PRKCH: variants seen among roughly 807,000 people sequenced by gnomAD.
The protein encoded by PRKCH is protein kinase C eta type.
PRKCH carries 28 observed loss-of-function variants against 82.5 expected under a neutral mutation model. The observed-to-expected ratio is 0.34, with a 90% confidence interval of 0.25 to 0.47. PRKCH has a LOEUF of 0.47. PRKCH is among the 20% of genes least tolerant of loss of function. The pLI is 1.00. For synonymous variants in PRKCH, 322 were observed against 327.4 expected (o/e 0.98, Z 0.18); for missense variants, 705 against 881.8 (o/e 0.80, Z 2.54).
rs1430622273 is a variant in PRKCH, at chr14:61,549,770, C to T, written c.1991C>T (p.Pro664Leu). ...ACTCCAATTGATGAGGGACATCTTCCAATGATTAACCAGGATGAGTTTAGA... is the reference window on the plus strand; with the variant it reads ...ACTCCAATTGATGAGGGACATCTTCTAATGATTAACCAGGATGAGTTTAGA... ...VLTPIDEGHLPMINQDEFRNF... is the reference protein window; with the variant it reads ...VLTPIDEGHLLMINQDEFRNF... Residue 664 changes from proline to leucine, a missense_variant, in exon 14 of 14, where the codon CCA (proline) becomes CTA (leucine). Pro to Leu is a moderately conservative substitution (Grantham distance 98). Coordinates refer to ENST00000332981, the MANE Select transcript of PRKCH (RefSeq NM_006255.5). 4 of 1,613,952 alleles carry T rather than the reference C, an allele frequency of 2.5e-6. No individual in the cohort carries two copies. The highest frequency in any genetic ancestry group is 3.4e-6 in the Non-Finnish European group (4 of 1,179,962).
intron 2 of PRKCH, among the ~76,000 whole-genome samples, chr14:61,391,850 A>G (rs764886767): frequency 1.3e-5 from 2 of 152,208 alleles, no homozygotes; most frequent in African/African-American, 2.4e-5. Context: ...CAACTGCATA[A>G]CCAGCACCCC....
At chr14:61,533,243 C>G (rs1377779863) in intron 12 of PRKCH, among the ~76,000 whole-genome samples, 1 of 151,484 alleles carries the variant, frequency 6.6e-6, no homozygotes, top group East Asian at 1.9e-4. Flanking sequence ...AAGGCATGTA[C>G]CTTCAATGTA....
rs1224108970 is a variant in PRKCH, at chr14:61,279,914, AAG to A, written c.-19+92248_-19+92249del. 23 of 613,920 alleles carry A rather than the reference AAG, an allele frequency of 3.7e-5. No homozygotes were observed. In the East Asian group the frequency reaches 6.4e-4, roughly 17 times the overall value. 38.0% of individuals were successfully genotyped at this position (613,920 alleles called of 1,614,324 possible). ...TGCAGTCAACATCCCTCCCCGCGGC[AAG>A]ACAGTCTAGCAGCCCCCCAAGAGCA... On this transcript the variant is annotated intron_variant, in intron 1 of 3. Transcript: ENST00000555185.
chr14:61,513,172 C>T (rs1006071924), intron 10 of PRKCH, among the ~76,000 whole-genome samples: 8 of 152,080 alleles, frequency 5.3e-5, no homozygotes, highest in Non-Finnish European at 8.8e-5. Context: ...ATCCACCACG[C>T]GCAGAACTTT....
chr14:61,485,697 C>A (rs750773946), intron 10 of PRKCH, 41 bp downstream of exon 10: 2 of 1,588,824 alleles, frequency 1.3e-6, no homozygotes, highest in South Asian at 1.1e-5. Context: ...TTCACTGCCT[C>A]TTCCCTCTCC....
rs900535610 is a variant in PRKCH, at chr14:61,221,458, T to A, written c.-19+33790T>A. ...CTCTCATTTTCTGCTTGGGAAAATATTGACGTGTGCCCCCTTCATGTGCTT... is the reference window on the plus strand; with the variant it reads ...CTCTCATTTTCTGCTTGGGAAAATAATGACGTGTGCCCCCTTCATGTGCTT... On this transcript the variant is annotated intron_variant, in intron 1 of 3. Coordinates refer to the PRKCH transcript ENST00000555185. Among the ~76,000 whole-genome samples the A allele has an allele frequency of 9.2e-5, 14 of 152,232 alleles. No individual in the cohort carries two copies. The South Asian group carries it at 1.5e-3, about 16-fold the overall frequency.
chr14:61,484,558 A>G (rs1374013379), intron 9 of PRKCH, among the ~76,000 whole-genome samples: 2 of 152,062 alleles, frequency 1.3e-5, no homozygotes, highest in Admixed American at 6.6e-5. Flanking sequence ...CATGATTTCC[A>G]TAGCACTTTA....
intron 7 of PRKCH, among the ~76,000 whole-genome samples, chr14:61,456,578 C>T (rs922023068): frequency 6.6e-6 from 1 of 152,088 alleles, no homozygotes; most frequent in African/African-American, 2.4e-5. Context: ...AGTATAAAAA[C>T]GTGTGCGTGT....
intron 1 of PRKCH, among the ~76,000 whole-genome samples, chr14:61,363,105 T>C (rs1283166896): frequency 6.6e-6 from 1 of 152,222 alleles, no homozygotes; most frequent in Non-Finnish European, 1.5e-5. Context: ...AGTCTGTGTA[T>C]GCTTGCAAGG....
chr14:61,355,197 C>G (rs1223118788), intron 1 of PRKCH, among the ~76,000 whole-genome samples: 1 of 152,216 alleles, frequency 6.6e-6, no homozygotes, highest in Admixed American at 6.5e-5. Context: ...TACTCTGCAG[C>G]AGAAATGGGC....
intron 1 of PRKCH, among the ~76,000 whole-genome samples, chr14:61,209,065 T>C (rs1184824569): frequency 1.3e-5 from 2 of 152,168 alleles, no homozygotes; most frequent in African/African-American, 4.8e-5. Flanking sequence ...ATCAAGGGAA[T>C]GGCTTTGCTA....
chr14:61,306,120 C>T (rs1281959630), intron 1 of PRKCH: 1 of 152,154 alleles, frequency 6.6e-6, no homozygotes, highest in African/African-American at 2.4e-5. Flanking sequence ...ATGGTATTTA[C>T]TCCTAAGGTC....
At chr14:61,535,288 G>A (rs1489345288) in intron 12 of PRKCH, among the ~76,000 whole-genome samples, 2 of 152,276 alleles carry the variant, frequency 1.3e-5, no homozygotes, top group Non-Finnish European at 2.9e-5. Context: ...TCCAGTTGGG[G>A]TGGGGAGGGA....
chr14:61,254,979 C>A (rs1465689141), intron 1 of PRKCH, among the ~76,000 whole-genome samples: 1 of 152,184 alleles, frequency 6.6e-6, no homozygotes, highest in Non-Finnish European at 1.5e-5. Flanking sequence ...CGTGAATAAC[C>A]AAGACAACAT....
chr14:61,413,273 T>C lies in PRKCH; in HGVS notation c.427+21985T>C, dbSNP rs78923960. Among the ~76,000 whole-genome samples, 2,580 of 152,214 alleles carry C rather than the reference T, an allele frequency of 0.017. 105 individuals carry two copies. In the East Asian group the frequency reaches 0.17, roughly 10 times the overall value. On this transcript the variant is annotated intron_variant, in intron 2 of 13. Transcript: ENST00000332981. ...TGATGCTGCATTTGGTTCTGTTTCA[T>C]GTTCTCCCTTTGGGCACCTCAAACG...
At chr14:61,482,617 G>C (rs1188327964) in intron 9 of PRKCH, among the ~76,000 whole-genome samples, 2 of 152,156 alleles carry the variant, frequency 1.3e-5, no homozygotes, top group Non-Finnish European at 2.9e-5. Flanking sequence ...TAACCTGAGG[G>C]CTGTGAATTA....
chr14:61,487,536 C>A (rs1886277990), intron 10 of PRKCH, among the ~76,000 whole-genome samples: 1 of 152,168 alleles, frequency 6.6e-6, no homozygotes, highest in Admixed American at 6.5e-5. Context: ...CAGTAAATTC[C>A]ATTTTTGTTC....
At chr14:61,444,591 C>G (rs532734997) in intron 3 of PRKCH, among the ~76,000 whole-genome samples, 16 of 152,208 alleles carry the variant, frequency 1.1e-4, no homozygotes, top group Admixed American at 7.8e-4. Context: ...ACGCTCCCCC[C>G]CTCCACACCC....
intron 1 of PRKCH, among the ~76,000 whole-genome samples, chr14:61,192,962 C>A (rs963500260): frequency 6.6e-6 from 1 of 152,186 alleles, no homozygotes; most frequent in African/African-American, 2.4e-5. Flanking sequence ...TGCATGAAGT[C>A]ACCATGAACA....
Sources: allele counts gnomAD v4.1 joint callset (sites outside exome capture counted in the v4.1 genomes callset), GRCh38; gene constraint gnomAD v4.1.1; transcripts MANE v1.5; gene names NCBI Gene and HGNC (gene_info 2026-07-23, HGNC 2026-07-21).